The following CDH20 variants were observed in gnomAD, a reference collection of about 807,000 sequenced individuals.
CDH20 encodes cadherin 20, also known as cadherin-20.
In CDH20, 29 loss-of-function variants were observed where a neutral mutation model predicts 74.2. The ratio of observed to expected loss-of-function variants is 0.39; its 90% confidence interval spans 0.29 to 0.53. The LOEUF (loss-of-function observed/expected upper bound fraction) is 0.53. CDH20 is among the 20% of genes least tolerant of loss of function. CDH20 has a pLI of 0.69. For synonymous variants in CDH20, 469 were observed against 405.4 expected, an observed-to-expected ratio of 1.16 and a Z score of -1.88; for missense variants, 988 against 1,048.3, an observed-to-expected ratio of 0.94 and a Z score of 0.79.
chr18:61,385,666 C>T (rs1169172707), intron 1 of CDH20, among the ~76,000 whole-genome samples: 1 of 152,148 alleles, frequency 6.6e-6, no homozygotes, highest in Non-Finnish European at 1.5e-5. Context: ...GGCGCAGTGG[C>T]TCATGCCTGT....
intron 6 of CDH20, among the ~76,000 whole-genome samples, chr18:61,520,327 A>AC (rs1912159847): frequency 7.8e-6 from 1 of 128,620 alleles, no homozygotes; most frequent in African/African-American, 3.1e-5. Context: ...AAAAAAAAAA[A>AC]AAAAAAGACA....
At chr18:61,418,291 A>C (rs1379588050) in intron 1 of CDH20, among the ~76,000 whole-genome samples, 1 of 152,140 alleles carries the variant, frequency 6.6e-6, no homozygotes, top group Admixed American at 6.6e-5. Flanking sequence ...GTGGTGGCTC[A>C]CGCCTGTAAT....
At chr18:61,503,300 T>C (rs1267829028) in intron 5 of CDH20, among the ~76,000 whole-genome samples, 180 bp downstream of exon 5, 5 of 152,226 alleles carry the variant, frequency 3.3e-5, no homozygotes, top group Admixed American at 2.6e-4. Context: ...CAGCTTCCCA[T>C]AGTACTAAAC....
At chr18:61,475,740 G>C (rs1312631711) in intron 1 of CDH20, among the ~76,000 whole-genome samples, 2 of 152,178 alleles carry the variant, frequency 1.3e-5, no homozygotes, top group Non-Finnish European at 2.9e-5. Context: ...TCTCCACTAA[G>C]TACTGAACCA....
At chr18:61,553,078 G>A (rs1375127617) in intron 11 of CDH20, among the ~76,000 whole-genome samples, 1 of 152,154 alleles carries the variant, frequency 6.6e-6, no homozygotes, top group African/African-American at 2.4e-5. Context: ...GTCATTAATT[G>A]CAATTGATAA....
At chr18:61,529,555 T>C (rs1912565471) in intron 7 of CDH20, among the ~76,000 whole-genome samples, 1 of 152,220 alleles carries the variant, frequency 6.6e-6, no homozygotes, top group African/African-American at 2.4e-5. Context: ...AACCTGAAGC[T>C]TTTTAAATAT....
rs902961301 is a variant in CDH20 at position 61,384,143 on chromosome 18, G to T, written c.-153+50316G>T. On this transcript the variant is annotated intron_variant, in intron 1 of 11. Transcript: ENST00000262717. ...ATGGCTTACAAAACTCTTGTGAATA[G>T]ACTGTCTCAGGCTACCAGGTATCTT... Among the ~76,000 whole-genome samples, 3 of 152,174 alleles carry T rather than the reference G, an allele frequency of 2.0e-5. No homozygotes were observed. In the East Asian group the frequency reaches 5.8e-4, roughly 29 times the overall value.
At chr18:61,478,084 A>G (rs1910455721) in intron 1 of CDH20, among the ~76,000 whole-genome samples, 1 of 151,984 alleles carries the variant, frequency 6.6e-6, no homozygotes, top group Non-Finnish European at 1.5e-5. Context: ...CTGTAGTCCC[A>G]GCTACTTGGG....
At chr18:61,420,404 G>A (rs756079041) in intron 1 of CDH20, among the ~76,000 whole-genome samples, 1 of 150,834 alleles carries the variant, frequency 6.6e-6, no homozygotes, top group Non-Finnish European at 1.5e-5. Context: ...ACCTCCGTGG[G>A]CCGGGCTATG....
intron 5 of CDH20, 67 bp from the exon 6 acceptor site, chr18:61,507,306 G>A (rs1435263741): frequency 1.4e-6 from 2 of 1,437,058 alleles, no homozygotes; most frequent in East Asian, 2.3e-5. Context: ...CTCCTGATAT[G>A]ATAATGATGA....
chr18:61,461,317 GCT>G (rs1260809585), intron 1 of CDH20, among the ~76,000 whole-genome samples: 2 of 135,440 alleles, frequency 1.5e-5, no homozygotes, highest in African/African-American at 3.0e-5. Context: ...AGTACCACAA[GCT>G]GGGTGACTTA....
intron 1 of CDH20, among the ~76,000 whole-genome samples, chr18:61,409,195 T>C (rs1912419402): frequency 6.6e-6 from 1 of 152,230 alleles, no homozygotes; most frequent in African/African-American, 2.4e-5. Flanking sequence ...CATTAATACA[T>C]GATTTTGCCA....
chr18:61,368,478 C>T (rs1910930800), intron 1 of CDH20, among the ~76,000 whole-genome samples: 1 of 151,616 alleles, frequency 6.6e-6, no homozygotes. Context: ...AGACTGACAA[C>T]ATATGTTTGG....
chr18:61,483,502 G>A (rs555320388), intron 1 of CDH20, among the ~76,000 whole-genome samples: 1 of 152,238 alleles, frequency 6.6e-6, no homozygotes, highest in South Asian at 2.1e-4. Context: ...ACACAGCCTG[G>A]CGTAAACACT....
chr18:61,554,157 C>A, intron 11 of CDH20, 33 bp from the exon 12 acceptor site: 5 of 1,584,504 alleles, frequency 3.2e-6, no homozygotes, highest in Non-Finnish European at 3.4e-6. Context: ...CACATCTCCT[C>A]GGTAAACACA....
At chr18:61,453,272 TTC>T (rs1911324255) in intron 1 of CDH20, among the ~76,000 whole-genome samples, 2 of 152,088 alleles carry the variant, frequency 1.3e-5, no homozygotes, top group South Asian at 4.1e-4. Flanking sequence ...GCCTAATCTT[TTC>T]TGTTTTTTTG....
At chr18:61,537,071 AATTG>A (rs1189608235) in intron 8 of CDH20, among the ~76,000 whole-genome samples, 6 of 152,284 alleles carry the variant, frequency 3.9e-5, no homozygotes, top group Admixed American at 3.9e-4. Flanking sequence ...ATAAAAGGCA[AATTG>A]ATTAACGTAA....
intron 6 of CDH20, among the ~76,000 whole-genome samples, chr18:61,517,707 G>GTTGTTGTTGTT (rs770036463): frequency 6.6e-6 from 1 of 151,646 alleles, no homozygotes; most frequent in Admixed American, 6.6e-5. Flanking sequence ...TGTTGTTGTT[G>GTTGTTGTTGTT]TTGTTTTGTT....
chr18:61,355,567 G>A (rs1399743104), intron 1 of CDH20, among the ~76,000 whole-genome samples: 1 of 152,106 alleles, frequency 6.6e-6, no homozygotes, highest in Non-Finnish European at 1.5e-5. Flanking sequence ...AGCTGATAGT[G>A]GTCATTAACT....
Sources: gnomAD v4.1 joint callset for allele counts (sites outside exome capture counted in the v4.1 genomes callset) on GRCh38, gnomAD v4.1.1 for gene constraint, MANE v1.5 for transcripts, NCBI Gene and HGNC (gene_info 2026-07-23, HGNC 2026-07-21) for gene names.